The following TBC1D30 variants were observed in gnomAD, a reference collection of about 807,000 sequenced individuals.
TBC1D30 encodes the protein TBC1 domain family member 30, also known as TBC1 domain family, member 30.
A neutral mutation model predicts 63.2 loss-of-function variants in TBC1D30; 31 were observed. The observed-to-expected ratio is 0.49, with a 90% CI of 0.37 to 0.66. TBC1D30 has a LOEUF of 0.66. TBC1D30 is among the 30% of genes least tolerant of loss of function. The probability of loss-of-function intolerance (pLI) is 0.00; values close to 1 mark genes in which losing one functional copy is unlikely to be tolerated. For synonymous variants in TBC1D30, 307 were observed against 361.5 expected, an observed-to-expected ratio of 0.85 and a Z score of 1.71; for missense variants, 810 against 953.6, an observed-to-expected ratio of 0.85 and a Z score of 1.98.
Position 64,868,917 on chromosome 12 carries a change from G to A in TBC1D30, c.1292-1685G>A, listed in dbSNP as rs375357373. 5.3e-5 allele frequency among the ~76,000 whole-genome samples: 8 copies of A among 151,882 alleles called. No homozygotes were observed. The East Asian group carries it at 1.3e-3, about 26-fold the overall frequency. On this transcript the variant is annotated intron_variant, in intron 10 of 11. Transcript: ENST00000539867. ...CTATTAATTTACCTCTAGATATCCT[G>A]TAATTTGGTAATGTTCCCCTTAAAA...
chr12:64,854,599 A>G (rs921177707), intron 8 of TBC1D30, among the ~76,000 whole-genome samples: 1 of 150,458 alleles, frequency 6.6e-6, no homozygotes, highest in African/African-American at 2.5e-5. Flanking sequence ...GGTTCATGCC[A>G]TTCTCCTGCC....
At chr12:64,833,179 G>A (rs1221306354) in intron 5 of TBC1D30, among the ~76,000 whole-genome samples, 1 of 152,214 alleles carries the variant, frequency 6.6e-6, no homozygotes, top group Non-Finnish European at 1.5e-5. Context: ...GAGTTGGGCT[G>A]AGAGTGAGTG....
At chr12:64,852,021 T>C (rs1876917833) in intron 8 of TBC1D30, among the ~76,000 whole-genome samples, 1 of 151,196 alleles carries the variant, frequency 6.6e-6, no homozygotes, top group Non-Finnish European at 1.5e-5. Flanking sequence ...TCGAGGAGTA[T>C]CTTTGTGGTG....
chr12:64,861,341 G>A (rs1401674767), intron 8 of TBC1D30, among the ~76,000 whole-genome samples: 1 of 152,124 alleles, frequency 6.6e-6, no homozygotes, highest in African/African-American at 2.4e-5. Context: ...ATCATAGAAT[G>A]TTCAGGAGAG....
At chr12:64,792,663 G>A (rs1007414153) in intron 2 of TBC1D30, among the ~76,000 whole-genome samples, 4 of 152,118 alleles carry the variant, frequency 2.6e-5, no homozygotes, top group African/African-American at 9.7e-5. Context: ...TCTGTCTCCC[G>A]AGTTCAAGCG....
chr12:64,852,189 C>T (rs1335400574), intron 8 of TBC1D30, among the ~76,000 whole-genome samples: 2 of 152,104 alleles, frequency 1.3e-5, no homozygotes, highest in Non-Finnish European at 2.9e-5. Flanking sequence ...TACATAGTCC[C>T]ATATTTCTTA....
chr12:64,781,416 C>G, intron 1 of TBC1D30: 2 of 913,452 alleles, frequency 2.2e-6, no homozygotes, highest in Non-Finnish European at 2.6e-6. Flanking sequence ...TTGGATCTGA[C>G]GGTGGTACCC....
At chr12:64,788,349 G>A (rs1871721307) in intron 2 of TBC1D30, among the ~76,000 whole-genome samples, 1 of 151,992 alleles carries the variant, frequency 6.6e-6, no homozygotes, top group Non-Finnish European at 1.5e-5. Context: ...AGATACCTTG[G>A]TTTTGATTCT....
At chr12:64,837,846 C>T (rs1385515769) in intron 6 of TBC1D30, among the ~76,000 whole-genome samples, 1 of 152,148 alleles carries the variant, frequency 6.6e-6, no homozygotes, top group Non-Finnish European at 1.5e-5. Context: ...ACCCAAGTGC[C>T]TTGCACTTGG....
At chr12:64,760,607 C>CA (rs561229244) in intron 1 of TBC1D30, among the ~76,000 whole-genome samples, 107 of 152,120 alleles carry the variant, frequency 7.0e-4, no homozygotes, top group Non-Finnish European at 1.4e-3. Context: ...GGTGAACTGT[C>CA]AAGTCACATC....
At chr12:64,761,694 C>A (rs1870519445) in intron 1 of TBC1D30, among the ~76,000 whole-genome samples, 1 of 152,160 alleles carries the variant, frequency 6.6e-6, no homozygotes, top group South Asian at 2.1e-4. Context: ...ATAATCCATC[C>A]CTTGTTTAGC....
chr12:64,863,213 C>T (rs979236636), intron 8 of TBC1D30, among the ~76,000 whole-genome samples: 9 of 152,170 alleles, frequency 5.9e-5, no homozygotes, highest in African/African-American at 2.2e-4. Context: ...TTAACAACCA[C>T]GGGAAAACAC....
intron 2 of TBC1D30, among the ~76,000 whole-genome samples, chr12:64,804,156 CTT>C (rs1463456493): frequency 1.3e-5 from 2 of 152,186 alleles, no homozygotes; most frequent in Non-Finnish European, 2.9e-5. Flanking sequence ...TTTGTGTCCT[CTT>C]TTATTTCGTT....
In TBC1D30 at chr12:64,771,309, A is replaced by T. The variant is rs1178841791; in HGVS notation, c.-376+11660A>T. Among the ~76,000 whole-genome samples the T allele has an allele frequency of 2.0e-5, 3 of 152,096 alleles. No homozygotes were observed. In the East Asian group the frequency reaches 5.8e-4, roughly 29 times the overall value. On this transcript the variant is annotated intron_variant, in intron 1 of 13. Coordinates refer to the TBC1D30 transcript ENST00000674237. ...TCATGACATCTATAGCAGGAATTAC[A>T]CACCATTTGAAAAACAGCTTCTAGT...
intron 2 of TBC1D30, among the ~76,000 whole-genome samples, chr12:64,804,122 G>A (rs1872729778): frequency 6.6e-6 from 1 of 152,190 alleles, no homozygotes; most frequent in Admixed American, 6.5e-5. Flanking sequence ...TCCTATCCAT[G>A]AGCATGGAAT....
chr12:64,870,799 A>G lies in TBC1D30; in HGVS notation c.1489A>G (p.Ile497Val). 1.3e-6 allele frequency: 2 copies of G among 1,536,094 alleles called. No homozygotes were observed. The highest frequency in any genetic ancestry group is 1.7e-6 in the Non-Finnish European group (2 of 1,146,856). ...ACAGCAGCAGGTTCATCAGGTGTAC[A>G]TCAGGGCAGGTAATGTGATTCTTCA... ...KQQQQVHQVY[I>V]RADKGPVTSI... The change falls in exon 11 of 12, where the codon ATC (isoleucine) becomes GTC (valine). Residue 497 changes from isoleucine to valine, a missense_variant. Around this residue, in one of 4 missense-constraint regions of TBC1D30, gnomAD observed 450 missense variants for 473.0 expected, o/e 0.95. Transcript: ENST00000539867.
intron 8 of TBC1D30, among the ~76,000 whole-genome samples, chr12:64,854,337 A>G (rs925512288): frequency 6.6e-6 from 1 of 152,202 alleles, no homozygotes; most frequent in African/African-American, 2.4e-5. Flanking sequence ...CACTGGTTGC[A>G]TAAGTAAACA....
intron 1 of TBC1D30, among the ~76,000 whole-genome samples, chr12:64,765,435 G>A (rs575816528): frequency 1.5e-5 from 2 of 130,986 alleles, no homozygotes; most frequent in East Asian, 5.0e-4. Flanking sequence ...GTTGAAGTGA[G>A]CCGAGATTGC....
At chr12:64,778,827 A>G (rs778764216), upstream of TBC1D30, among the ~76,000 whole-genome samples, 14 of 152,090 alleles carry the variant, frequency 9.2e-5, no homozygotes, top group African/African-American at 1.9e-4. Flanking sequence ...CCCGGCTCAC[A>G]GAGAAGACAT....
Sources: allele counts gnomAD v4.1 joint callset (sites outside exome capture counted in the v4.1 genomes callset), GRCh38; gene constraint gnomAD v4.1.1; regional missense constraint gnomAD v4.1.1; transcripts MANE v1.5; gene names NCBI Gene and HGNC (gene_info 2026-07-23, HGNC 2026-07-21).